ATAD1: variants seen among roughly 807,000 people sequenced by gnomAD.
ATAD1 encodes the protein outer mitochondrial transmembrane helix translocase.
A neutral mutation model predicts 42.7 loss-of-function variants in ATAD1; 18 were observed. That is an observed-to-expected ratio of 0.42 (90% CI 0.29 to 0.63). ATAD1 has a LOEUF of 0.63. Ranked by LOEUF, ATAD1 falls within the 20% of genes least tolerant of loss-of-function variation. The pLI is 0.19. For synonymous variants in ATAD1, 132 were observed against 143.1 expected (o/e 0.92, Z 0.55); for missense variants, 294 against 440.4 (o/e 0.67, Z 2.98).
intron 1 of ATAD1, among the ~76,000 whole-genome samples, chr10:87,840,282 G>A (rs998276063): frequency 4.6e-5 from 7 of 152,172 alleles, no homozygotes; most frequent in Non-Finnish European, 8.8e-5. Context: ...CCAAAGGTTT[G>A]AGATGAGCCT....
At chr10:87,811,954 T>A (rs998591749) in intron 2 of ATAD1, among the ~76,000 whole-genome samples, 1 of 152,196 alleles carries the variant, frequency 6.6e-6, no homozygotes, top group Admixed American at 6.5e-5. Flanking sequence ...CTTTGAGGTA[T>A]CCAGACAAAT....
chr10:87,775,497 ATAAG>A (rs1301704311), intron 6 of ATAD1, among the ~76,000 whole-genome samples: 15 of 146,766 alleles, frequency 1.0e-4, no homozygotes, highest in African/African-American at 3.3e-4. Flanking sequence ...TCCATGAGAT[ATAAG>A]TAAGTGATTC....
chr10:87,795,420 T>C (rs776201323), intron 2 of ATAD1, among the ~76,000 whole-genome samples: 66 of 151,702 alleles, frequency 4.4e-4, no homozygotes, highest in Non-Finnish European at 7.8e-4. Context: ...CTTTCTTGTT[T>C]ACAGCTTAAT....
intron 2 of ATAD1, among the ~76,000 whole-genome samples, chr10:87,795,561 A>G (rs1296390186): frequency 6.6e-6 from 1 of 150,980 alleles, no homozygotes; most frequent in African/African-American, 2.4e-5. Flanking sequence ...CAAAAGAAGG[A>G]GGAAAACTTA....
intron 7 of ATAD1, among the ~76,000 whole-genome samples, chr10:87,768,193 T>G (rs1210996230): frequency 2.0e-5 from 3 of 152,216 alleles, no homozygotes; most frequent in African/African-American, 7.2e-5. Flanking sequence ...AATTTAGTGC[T>G]GATGATATAT....
intron 1 of ATAD1, among the ~76,000 whole-genome samples, chr10:87,828,151 A>G (rs1433825362): frequency 6.6e-6 from 1 of 151,236 alleles, no homozygotes; most frequent in East Asian, 1.9e-4. Context: ...TTTTGCAGAG[A>G]TGGGGTCTCA....
At chr10:87,761,936 G>T (rs906651998) in intron 8 of ATAD1, among the ~76,000 whole-genome samples, 8 of 151,898 alleles carry the variant, frequency 5.3e-5, no homozygotes, top group African/African-American at 1.9e-4. Context: ...GTAGAGGTGA[G>T]GTCTCATCAT....
intron 8 of ATAD1, among the ~76,000 whole-genome samples, chr10:87,765,756 G>A (rs1042082887): frequency 6.6e-6 from 1 of 152,188 alleles, no homozygotes; most frequent in Non-Finnish European, 1.5e-5. Flanking sequence ...TTGACCAGCT[G>A]TGGTGGTTCA....
intron 2 of ATAD1, among the ~76,000 whole-genome samples, chr10:87,796,521 T>C (rs1856396060): frequency 6.6e-6 from 1 of 152,230 alleles, no homozygotes; most frequent in Non-Finnish European, 1.5e-5. Flanking sequence ...TCATCTTACA[T>C]ATGTTGACTG....
chr10:87,756,665 G>A, intron 9 of ATAD1, 124 bp downstream of exon 9: 1 of 955,322 alleles, frequency 1.0e-6, no homozygotes, highest in Non-Finnish European at 1.4e-6. Context: ...TGCAGGGGGT[G>A]ATAATCCAAA....
chr10:87,797,825 G>A (rs957112352), intron 2 of ATAD1, among the ~76,000 whole-genome samples: 3 of 152,078 alleles, frequency 2.0e-5, no homozygotes, highest in Non-Finnish European at 4.4e-5. Flanking sequence ...CTTCTCTATC[G>A]CCTTTTCTAC....
chr10:87,782,292 C>T (rs1855603584), intron 5 of ATAD1, among the ~76,000 whole-genome samples: 1 of 152,026 alleles, frequency 6.6e-6, no homozygotes, highest in African/African-American at 2.4e-5. Flanking sequence ...AACACATGTT[C>T]ACACACAGGA....
intron 2 of ATAD1, 58 bp from the exon 3 acceptor site, chr10:87,792,813 G>T (rs1244865590): frequency 1.6e-6 from 2 of 1,248,612 alleles, no homozygotes; most frequent in Non-Finnish European, 2.4e-6. Flanking sequence ...CTGGCACTTC[G>T]AAATAGATAT....
chr10:87,818,335 C>A, upstream of ATAD1: 6 of 889,920 alleles, frequency 6.7e-6, no homozygotes, highest in Non-Finnish European at 8.1e-6. Flanking sequence ...GGCTTAGAAA[C>A]AGTGAGGGAG....
chr10:87,823,933 T>C (rs1032246210), intron 1 of ATAD1, among the ~76,000 whole-genome samples: 29 of 152,202 alleles, frequency 1.9e-4, no homozygotes, highest in African/African-American at 5.8e-4. Flanking sequence ...TTGAAACATA[T>C]GTGAAACTAA....
rs13376859 is a variant in ATAD1, at chr10:87,815,842, T to C, written c.-13-1230A>G. ...ATCTAGAATCTAGCTCCAGAGTCAA[T>C]TGTAAGCATTTTCTCTTTCACCTCT... On this transcript the variant is annotated intron_variant, in intron 1 of 9. Coordinates refer to ENST00000680024, the MANE Select transcript of ATAD1 (RefSeq NM_001321967.2). 1.6e-3 allele frequency among the ~76,000 whole-genome samples: 236 copies of C among 152,254 alleles called. 1 individual carries two copies. Among genetic ancestry groups the C allele is most frequent in the African/African-American group, 5.3e-3 (222 of 41,558 alleles).
intron 2 of ATAD1, among the ~76,000 whole-genome samples, chr10:87,794,771 C>T (rs1458009371): frequency 6.6e-6 from 1 of 152,140 alleles, no homozygotes; most frequent in African/African-American, 2.4e-5. Context: ...AAAATTGCCT[C>T]TTGATTTAAA....
intron 5 of ATAD1, among the ~76,000 whole-genome samples, chr10:87,784,196 C>T (rs756104525): frequency 4.3e-4 from 65 of 152,150 alleles, no homozygotes; most frequent in African/African-American, 1.3e-3. Context: ...GTATCTTTCC[C>T]GGGCAAACAT....
intron 5 of ATAD1, among the ~76,000 whole-genome samples, chr10:87,780,156 A>G (rs1167430494): frequency 6.6e-6 from 1 of 152,212 alleles, no homozygotes; most frequent in East Asian, 1.9e-4. Flanking sequence ...CAAATCATGA[A>G]AAGATGTGGA....
Sources: gnomAD v4.1 joint callset for allele counts (sites outside exome capture counted in the v4.1 genomes callset) on GRCh38, gnomAD v4.1.1 for gene constraint, MANE v1.5 for transcripts, NCBI Gene and HGNC (gene_info 2026-07-23, HGNC 2026-07-21) for gene names.